RTTN: variants seen among roughly 807,000 people sequenced by gnomAD.
RTTN encodes the protein rotatin.
In RTTN, 182 loss-of-function variants were observed where a neutral mutation model predicts 269.2. The observed-to-expected ratio is 0.68, with a 90% CI of 0.60 to 0.76. The LOEUF is 0.76. Ranked by LOEUF, RTTN falls within the 30% of genes least tolerant of loss-of-function variation. The probability of loss-of-function intolerance (pLI) is 0.00; values close to 1 mark genes in which losing one functional copy is unlikely to be tolerated. For synonymous variants in RTTN, 1,006 were observed against 963.5 expected (o/e 1.04, Z -0.82); for missense variants, 2,545 against 2,608.6 (o/e 0.98, Z 0.53).
At chr18:70,109,307 G>T (rs2059399891) in intron 28 of RTTN, among the ~76,000 whole-genome samples, 191 bp downstream of exon 28, 1 of 152,152 alleles carries the variant, frequency 6.6e-6, no homozygotes, top group Admixed American at 6.5e-5. Context: ...TTTTGAAAAT[G>T]AGGGTATTTA....
intron 12 of RTTN, among the ~76,000 whole-genome samples, chr18:70,167,309 T>C (rs1448785667): frequency 2.0e-5 from 3 of 152,228 alleles, no homozygotes; most frequent in Non-Finnish European, 4.4e-5. Context: ...TGATTACTTC[T>C]TTGTAGCTCT....
intron 25 of RTTN, among the ~76,000 whole-genome samples, chr18:70,122,005 CTAA>C (rs2145567172): frequency 6.6e-6 from 1 of 152,250 alleles, no homozygotes; most frequent in African/African-American, 2.4e-5. Flanking sequence ...AACACTGACT[CTAA>C]TAACCGCCCA....
rs936185595 is a variant in RTTN, at chr18:70,205,437, G to T, written c.32-122C>A. 3.6e-6 allele frequency: 5 copies of T among 1,392,080 alleles called. No homozygotes were observed. The African/African-American group carries it at 4.3e-5, about 12-fold the overall frequency. The allele number at this position is 1,392,080 out of a possible 1,614,324, so 86.2% of individuals were successfully genotyped here. A position where few individuals can be genotyped will look rare whatever the true frequency, so the allele number is the denominator to read the frequency against. On this transcript the variant is annotated intron_variant, in intron 1 of 48. Coordinates refer to ENST00000640769, the MANE Select transcript of RTTN (RefSeq NM_173630.4). ...CAGTTTTTTTCAGAAGCAGGCCACTGGTGCCTTCGGGACGCGAACCGCGAA... is the reference window on the plus strand; with the variant it reads ...CAGTTTTTTTCAGAAGCAGGCCACTTGTGCCTTCGGGACGCGAACCGCGAA...
At chr18:70,092,643 T>C (rs1372033620) in intron 29 of RTTN, 33 bp downstream of exon 29, 3 of 1,594,222 alleles carry the variant, frequency 1.9e-6, no homozygotes, top group Non-Finnish European at 2.6e-6. Flanking sequence ...TTCAAGCAAA[T>C]GTTCAGAAGA....
At position 70,171,067 on chromosome 18, in the gene RTTN, A is replaced by T. The variant is rs538684830; in HGVS notation, c.1477-2000T>A. ...CAGTTGGAGACATTTATTGTCACCC[A>T]AGTGAAGACATCAAAAAGGACACTG... On this transcript the variant is annotated intron_variant, in intron 11 of 48. Transcript: ENST00000640769. Among the ~76,000 whole-genome samples the T allele has an allele frequency of 7.2e-5, 11 of 152,340 alleles. No homozygotes were observed. The East Asian group carries it at 2.1e-3, about 29-fold the overall frequency.
chr18:70,089,589 A>G (rs1460269191), intron 30 of RTTN, among the ~76,000 whole-genome samples: 1 of 152,218 alleles, frequency 6.6e-6, no homozygotes, highest in Non-Finnish European at 1.5e-5. Flanking sequence ...AATGGGTTAC[A>G]GGCTAGAAGA....
intron 3 of RTTN, among the ~76,000 whole-genome samples, chr18:70,202,259 A>G (rs2061973381): frequency 1.3e-5 from 2 of 152,226 alleles, no homozygotes; most frequent in African/African-American, 4.8e-5. Flanking sequence ...GCTACAAAGT[A>G]TTCAAGGACT....
intron 44 of RTTN, 44 bp from the exon 45 acceptor site, chr18:70,020,861 G>T: frequency 6.5e-7 from 1 of 1,539,574 alleles, no homozygotes; most frequent in Non-Finnish European, 8.9e-7. Flanking sequence ...CAGTTTCCCT[G>T]TTTAGTTTTT....
At chr18:70,083,163 G>C (rs1317942980) in intron 32 of RTTN, among the ~76,000 whole-genome samples, 2 of 152,122 alleles carry the variant, frequency 1.3e-5, no homozygotes, top group African/African-American at 4.8e-5. Flanking sequence ...CAAGGCCCCT[G>C]GTAGGAGTGC....
chr18:70,145,976 AAT>A (rs1270112839), intron 17 of RTTN, among the ~76,000 whole-genome samples, 193 bp from the exon 18 acceptor site: 2 of 152,236 alleles, frequency 1.3e-5, no homozygotes, highest in South Asian at 2.1e-4. Context: ...TATTCAATGT[AAT>A]AGTTATAAAA....
At chr18:70,120,779 G>A (rs967800130) in intron 26 of RTTN, among the ~76,000 whole-genome samples, 9 of 152,098 alleles carry the variant, frequency 5.9e-5, no homozygotes, top group Non-Finnish European at 8.8e-5. Context: ...AGCCAGGCAC[G>A]GTGGCTCACG....
intron 33 of RTTN, 137 bp from the exon 34 acceptor site, chr18:70,074,131 G>A (rs2058367237): frequency 8.6e-6 from 4 of 462,638 alleles, no homozygotes; most frequent in Non-Finnish European, 7.8e-6. Flanking sequence ...TTCTGAGATA[G>A]ACCACTATTT....
At chr18:70,178,255 C>G (rs1052358901) in intron 10 of RTTN, among the ~76,000 whole-genome samples, 2 of 152,082 alleles carry the variant, frequency 1.3e-5, no homozygotes, top group Non-Finnish European at 2.9e-5. Flanking sequence ...GGGTGTTGAG[C>G]ATTCAAAAGG....
intron 5 of RTTN, among the ~76,000 whole-genome samples, chr18:70,198,396 A>G (rs538717595): frequency 2.8e-4 from 43 of 152,242 alleles, no homozygotes; most frequent in Admixed American, 2.1e-3. Context: ...GAGATCATAC[A>G]ACCTCCTAAC....
intron 26 of RTTN, among the ~76,000 whole-genome samples, chr18:70,118,401 A>G (rs1599638721): frequency 6.6e-6 from 1 of 152,060 alleles, no homozygotes; most frequent in East Asian, 1.9e-4. Flanking sequence ...ATGAAGAAAC[A>G]GAAAATCTGA....
chr18:70,111,957 C>T (rs1456958392), intron 27 of RTTN, among the ~76,000 whole-genome samples: 1 of 152,214 alleles, frequency 6.6e-6, no homozygotes, highest in Non-Finnish European at 1.5e-5. Context: ...CAGCAGATCT[C>T]TCAGCAGAAA....
intron 28 of RTTN, among the ~76,000 whole-genome samples, chr18:70,098,738 C>T (rs2059072325): frequency 1.3e-5 from 2 of 152,106 alleles, no homozygotes; most frequent in Non-Finnish European, 2.9e-5. Context: ...TGGTGTGCTG[C>T]ACCTGTTAAC....
At chr18:70,114,424 C>A (rs2059551628) in intron 27 of RTTN, 21 bp downstream of exon 27, 4 of 1,600,446 alleles carry the variant, frequency 2.5e-6, no homozygotes, top group African/African-American at 2.7e-5. Flanking sequence ...GCACCTAAAC[C>A]TGCAATATTA....
At chr18:70,040,231 C>CCT (rs2057299644) in intron 40 of RTTN, among the ~76,000 whole-genome samples, 1 of 151,674 alleles carries the variant, frequency 6.6e-6, no homozygotes, top group African/African-American at 2.4e-5. Context: ...CTACAAGAAA[C>CCT]ATATTTCACC....
Sources: gnomAD v4.1 joint callset for allele counts (sites outside exome capture counted in the v4.1 genomes callset) on GRCh38, gnomAD v4.1.1 for gene constraint, MANE v1.5 for transcripts, NCBI Gene and HGNC (gene_info 2026-07-23, HGNC 2026-07-21) for gene names.